FUT8: variants seen among roughly 807,000 people sequenced by gnomAD.
FUT8 encodes alpha-(1,6)-fucosyltransferase.
FUT8 carries 29 observed loss-of-function variants against 71.3 expected under a neutral mutation model. The ratio of observed to expected loss-of-function variants is 0.41; its 90% CI spans 0.30 to 0.55. FUT8 has a LOEUF of 0.55. FUT8 is among the 20% of genes least tolerant of loss of function. FUT8 has a pLI of 0.34. For missense variants in FUT8, 544 were observed against 702.1 expected (o/e 0.77, Z 2.55); for synonymous variants, 254 against 239.3 (o/e 1.06, Z -0.57).
chr14:65,367,047 G>C, the FUT8 span, among the ~76,000 whole-genome samples: 1 of 152,214 alleles, frequency 6.6e-6, no homozygotes, highest in Non-Finnish European at 1.5e-5. Flanking sequence ...AACATCTCCA[G>C]ATTTCTCCAG....
intron 3 of FUT8, among the ~76,000 whole-genome samples, chr14:65,587,798 T>C (rs1887473406): frequency 6.6e-6 from 1 of 152,194 alleles, no homozygotes; most frequent in African/African-American, 2.4e-5. Flanking sequence ...AGTTGTGTGG[T>C]TGGTAGTCAG....
At chr14:65,572,308 A>G (rs1183230614) in intron 3 of FUT8, among the ~76,000 whole-genome samples, 3 of 152,322 alleles carry the variant, frequency 2.0e-5, no homozygotes, top group African/African-American at 7.2e-5. Context: ...ATGTGTTACT[A>G]TGTATCAGGT....
chr14:65,739,261 G>C (rs570421820), intron 10 of FUT8, among the ~76,000 whole-genome samples: 2 of 152,004 alleles, frequency 1.3e-5, no homozygotes, highest in South Asian at 4.2e-4. Context: ...GAAAAATAAA[G>C]GGCCACACCT....
At chr14:65,640,918 A>G (rs60942639) in intron 6 of FUT8, among the ~76,000 whole-genome samples, 15,098 of 152,248 alleles carry the variant, frequency 0.099, 1,001 homozygotes, top group East Asian at 0.38. Flanking sequence ...CAGATGTTTA[A>G]CACAAATATG....
chr14:65,396,960 C>T, the FUT8 span, among the ~76,000 whole-genome samples: 3 of 152,200 alleles, frequency 2.0e-5, no homozygotes, highest in African/African-American at 7.2e-5. This position sits in a 1 kb window ranked among gnomAD's most constrained non-coding sequence, Gnocchi z 5.5. Flanking sequence ...ATCCTCCCAC[C>T]TCAGCCTCCT....
chr14:65,366,085 C>A, the FUT8 span, among the ~76,000 whole-genome samples: 1 of 152,202 alleles, frequency 6.6e-6, no homozygotes, highest in African/African-American at 2.4e-5. Context: ...TCCAAGAACC[C>A]TCTCTTGGGG....
Position 65,527,905 on chromosome 14 carries a change from T to C in FUT8, c.-227-33432T>C, listed in dbSNP as rs372174892. ...AGATGTTGCTGCCTGATTGTTCCTC[T>C]GGAAGCTTCATCTCAGAGGGGTACA... On this transcript the variant is annotated intron_variant, in intron 2 of 10. Transcript: ENST00000673929. 7.9e-5 allele frequency among the ~76,000 whole-genome samples: 12 copies of C among 152,220 alleles called. No individual in the cohort carries two copies. In the East Asian group the frequency reaches 1.3e-3, roughly 17 times the overall value.
intron 3 of FUT8, among the ~76,000 whole-genome samples, chr14:65,595,602 C>CCTTTT (rs1887923420): frequency 2.4e-5 from 2 of 81,758 alleles, no homozygotes; most frequent in South Asian, 1.1e-3. Flanking sequence ...ACACCATTCT[C>CCTTTT]TTTTTTTTTT....
chr14:65,437,029 G>T lies in FUT8; in HGVS notation c.-325-18592G>T, dbSNP rs140178581. Among the ~76,000 whole-genome samples, 310 of 152,324 alleles carry T rather than the reference G, an allele frequency of 2.0e-3. 1 individual carries two copies. The highest frequency in any genetic ancestry group is 3.3e-3 in the Non-Finnish European group (226 of 68,038). ...CAGGTACTCAACTCTGCCATTTACT[G>T]CATGAGTGACCTTGGGCATCTTGTC... On this transcript the variant is annotated intron_variant, in intron 1 of 10. Transcript: ENST00000673929.
the FUT8 span, among the ~76,000 whole-genome samples, chr14:65,359,270 C>T: frequency 2.0e-5 from 3 of 152,086 alleles, no homozygotes; most frequent in Non-Finnish European, 4.4e-5. Context: ...CTCTGCTGCC[C>T]GTCGAAAATG....
intron 7 of FUT8, among the ~76,000 whole-genome samples, chr14:65,707,721 G>A (rs1894619713): frequency 6.6e-6 from 1 of 152,038 alleles, no homozygotes; most frequent in Non-Finnish European, 1.5e-5. Flanking sequence ...ACTGTTTATT[G>A]AAGAGATGAG....
intron 2 of FUT8, among the ~76,000 whole-genome samples, chr14:65,502,579 T>G (rs2066663767): frequency 6.6e-6 from 1 of 152,200 alleles, no homozygotes; most frequent in African/African-American, 2.4e-5. Context: ...TAACTTACAT[T>G]TAATCATTAG....
At chr14:65,626,494 A>G (rs180799506) in intron 5 of FUT8, among the ~76,000 whole-genome samples, 1 of 152,278 alleles carries the variant, frequency 6.6e-6, no homozygotes, top group Admixed American at 6.5e-5. Flanking sequence ...GATATTTGTT[A>G]GTGTAGTAAT....
At chr14:65,434,812 G>T (rs2065530472) in intron 1 of FUT8, among the ~76,000 whole-genome samples, 1 of 151,808 alleles carries the variant, frequency 6.6e-6, no homozygotes, top group African/African-American at 2.4e-5. Flanking sequence ...TCCCAATTTG[G>T]CATATTTCCT....
intron 6 of FUT8, among the ~76,000 whole-genome samples, chr14:65,661,720 G>A (rs1242097775): frequency 6.6e-6 from 1 of 152,156 alleles, no homozygotes; most frequent in East Asian, 1.9e-4. Context: ...AATTTACTAA[G>A]TGGAGTCAGT....
chr14:65,642,472 G>A (rs567907205), intron 6 of FUT8, among the ~76,000 whole-genome samples: 10 of 151,922 alleles, frequency 6.6e-5, no homozygotes, highest in African/African-American at 1.7e-4. Context: ...GCGTGGTGGC[G>A]CACACCTACA....
the FUT8 span, among the ~76,000 whole-genome samples, chr14:65,388,004 G>C: frequency 1.3e-5 from 2 of 152,120 alleles, no homozygotes; most frequent in African/African-American, 4.8e-5. Context: ...TAGCCTTACT[G>C]TCTTATTTAT....
chr14:65,682,052 C>T (rs945950216), intron 7 of FUT8, among the ~76,000 whole-genome samples: 4 of 152,052 alleles, frequency 2.6e-5, no homozygotes, highest in African/African-American at 9.7e-5. Context: ...ACTATCTGGC[C>T]CTTTACAGAA....
chr14:65,623,427 G>A (rs2268956), intron 5 of FUT8, among the ~76,000 whole-genome samples: 105,146 of 152,018 alleles, frequency 0.69, 36,627 homozygotes, highest in East Asian at 0.89. Flanking sequence ...CATAAATTCT[G>A]TTCTACTTGG....
Sources: allele counts gnomAD v4.1 joint callset (sites outside exome capture counted in the v4.1 genomes callset), GRCh38; gene constraint gnomAD v4.1.1; non-coding constraint Gnocchi (gnomAD v3.1); transcripts MANE v1.5; gene names NCBI Gene and HGNC (gene_info 2026-07-23, HGNC 2026-07-21).